Variants in PCCA observed in about 807,000 individuals in gnomAD.
The protein encoded by PCCA is propionyl-CoA carboxylase alpha chain, mitochondrial.
In PCCA, 74 loss-of-function variants were observed where a neutral mutation model predicts 101.3. The ratio of observed to expected loss-of-function variants is 0.73; its 90% CI spans 0.61 to 0.89. PCCA has a LOEUF of 0.89. Among genes scored for constraint, PCCA ranks in the 40% least tolerant of loss-of-function variants. The pLI is 0.00. For missense variants in PCCA, 891 were observed against 907.0 expected (o/e 0.98, Z 0.23); for synonymous variants, 294 against 313.6 (o/e 0.94, Z 0.66).
intron 19 of PCCA, among the ~76,000 whole-genome samples, chr13:100,425,402 C>G (rs1317989852): frequency 1.3e-5 from 2 of 152,220 alleles, no homozygotes; most frequent in Non-Finnish European, 2.9e-5. Context: ...ACGGAAATCA[C>G]TTGAAGCCTC....
At chr13:100,252,918 T>C (rs939542439) in intron 8 of PCCA, among the ~76,000 whole-genome samples, 6 of 152,188 alleles carry the variant, frequency 3.9e-5, no homozygotes, top group Non-Finnish European at 7.3e-5. Context: ...AAATGCTGTA[T>C]TAGGTACTTC....
chr13:100,209,366 C>G lies in PCCA; in HGVS notation c.503C>G (p.Thr168Arg), dbSNP rs1218665002. 1.2e-6 allele frequency: 2 copies of G among 1,613,096 alleles called. No individual in the cohort carries two copies. The highest frequency in any genetic ancestry group is 1.7e-6 in the Non-Finnish European group (2 of 1,179,192). The change falls in exon 7 of 24, where the codon ACA becomes AGA. Residue 168 changes from threonine (T) to arginine (R), a missense_variant. Physicochemically the swap from Thr to Arg is moderately conservative, Grantham distance 71. Coordinates refer to ENST00000376285, the MANE Select transcript of PCCA (RefSeq NM_000282.4). ...GATGTCGTTTTCATTGGACCTGACA[C>G]ACATGCTATTCAAGCCATGGGCGAC... is the stretch of plus-strand genomic sequence containing the variant. ...AEDVVFIGPD[T>R]HAIQAMGDKI... is the part of the protein sequence containing the mutation.
intron 21 of PCCA, among the ~76,000 whole-genome samples, chr13:100,452,702 T>G (rs1001321680): frequency 6.6e-6 from 1 of 152,168 alleles, no homozygotes; most frequent in Non-Finnish European, 1.5e-5. Flanking sequence ...AATTTTCCTT[T>G]TTTGATGTAT....
At chr13:100,429,039 G>A (rs1158227238) in intron 20 of PCCA, among the ~76,000 whole-genome samples, 1 of 152,076 alleles carries the variant, frequency 6.6e-6, no homozygotes, top group Non-Finnish European at 1.5e-5. Context: ...TGGAGGCAAA[G>A]AGAGAAGTCA....
intron 21 of PCCA, among the ~76,000 whole-genome samples, chr13:100,475,396 T>C (rs573146553): frequency 1.4e-4 from 22 of 152,230 alleles, no homozygotes; most frequent in Non-Finnish European, 2.9e-4. Flanking sequence ...TCTGGACATT[T>C]CTTAGGAAAG....
chr13:100,201,954 G>A (rs1436479919), intron 6 of PCCA, among the ~76,000 whole-genome samples: 1 of 149,722 alleles, frequency 6.7e-6, no homozygotes, highest in Non-Finnish European at 1.5e-5. Flanking sequence ...CTGTTGTATT[G>A]GACTTCTCAG....
At chr13:100,120,368 A>G (rs530312000) in intron 4 of PCCA, among the ~76,000 whole-genome samples, 1 of 151,684 alleles carries the variant, frequency 6.6e-6, no homozygotes, top group Admixed American at 6.6e-5. Flanking sequence ...CATCCCTTGT[A>G]GTTTTTTTGT....
At chr13:100,352,483 C>A in intron 18 of PCCA, among the ~76,000 whole-genome samples, 1 of 148,592 alleles carries the variant, frequency 6.7e-6, no homozygotes, top group East Asian at 2.0e-4. Context: ...CAAGTTTGAA[C>A]TCCTGGGCTC....
chr13:100,138,543 ATTTCC>A (rs1243688984), intron 4 of PCCA, among the ~76,000 whole-genome samples: 1 of 152,114 alleles, frequency 6.6e-6, no homozygotes, highest in Non-Finnish European at 1.5e-5. Flanking sequence ...TATGTTCCAG[ATTTCC>A]TTCTAATGTT....
chr13:100,350,986 A>G (rs2073200050), intron 18 of PCCA, among the ~76,000 whole-genome samples: 1 of 152,260 alleles, frequency 6.6e-6, no homozygotes, highest in African/African-American at 2.4e-5. Context: ...TCACCAGGGT[A>G]ACAGCATAGC....
chr13:100,193,139 G>A (rs879506408), intron 6 of PCCA, among the ~76,000 whole-genome samples: 9 of 152,170 alleles, frequency 5.9e-5, no homozygotes, highest in Non-Finnish European at 8.8e-5. Flanking sequence ...ACTTGCACCT[G>A]TTTACAAGCA....
chr13:100,331,934 A>ATTTTTTTTTTTTTTTTTTTTTTTTTTTT (rs34411352), intron 17 of PCCA, among the ~76,000 whole-genome samples: 2 of 89,768 alleles, frequency 2.2e-5, no homozygotes, highest in Non-Finnish European at 4.0e-5. Flanking sequence ...ATTACTTTGG[A>ATTTTTTTTTTTTTTTTTTTTTTTTTTTT]TTTTTTTTTT....
At chr13:100,112,170 A>G (rs961775872) in intron 4 of PCCA, 109 bp downstream of exon 4, 5 of 767,082 alleles carry the variant, frequency 6.5e-6, no homozygotes, top group Non-Finnish European at 1.1e-5. Context: ...ATTCAAGTTT[A>G]AAAACTGTTT....
intron 4 of PCCA, among the ~76,000 whole-genome samples, chr13:100,141,642 A>G (rs1039758874): frequency 6.6e-6 from 1 of 152,046 alleles, no homozygotes; most frequent in African/African-American, 2.4e-5. Flanking sequence ...CAAACTACTG[A>G]CCTCAAGTGA....
At chr13:100,198,480 A>G (rs1297936009) in intron 6 of PCCA, 4 of 123,668 alleles carry the variant, frequency 3.2e-5, no homozygotes, top group African/African-American at 9.6e-5. Context: ...TCATTCATTC[A>G]TTCATTCATT....
At chr13:100,268,837 T>C (rs994266516) in intron 11 of PCCA, 54 bp downstream of exon 11, 2 of 977,302 alleles carry the variant, frequency 2.0e-6, no homozygotes, top group Admixed American at 1.8e-5. Context: ...ATTTCATTCA[T>C]TCATTCATTC....
intron 21 of PCCA, among the ~76,000 whole-genome samples, chr13:100,496,168 A>T (rs2085262637): frequency 1.3e-5 from 2 of 152,374 alleles, no homozygotes; most frequent in South Asian, 4.1e-4. Context: ...TGTCTTATCT[A>T]CAAACCTTTC....
chr13:100,148,047 C>T lies in PCCA; in HGVS notation c.301-6932C>T, dbSNP rs565944719. On this transcript the variant is annotated intron_variant, in intron 4 of 23. Transcript: ENST00000376285. ...ATCCTCCTGCCTCAGCCTCCTAAGC[C>T]GTGGGGACTACAGGAACTGGGCCAC... is the stretch of plus-strand genomic sequence containing the variant. 7.4e-4 allele frequency among the ~76,000 whole-genome samples: 112 copies of T among 152,078 alleles called. 1 individual carries two copies. Among genetic ancestry groups the T allele is most frequent in the African/African-American group, 2.2e-3 (93 of 41,486 alleles).
rs551491228 is a variant in PCCA, at chr13:100,523,554, C to A, written c.2041-4121C>A. ...ATGCTGGGTGACACTCGGGCCCCCACGACATGCGAAAATCTGCTGAGTAAA... is the reference window on the plus strand; with the variant it reads ...ATGCTGGGTGACACTCGGGCCCCCAAGACATGCGAAAATCTGCTGAGTAAA... On this transcript the variant is annotated intron_variant, in intron 22 of 23. Transcript: ENST00000376285. Among the ~76,000 whole-genome samples the A allele has an allele frequency of 1.3e-3, 205 of 152,284 alleles. 2 individuals carry two copies. Among genetic ancestry groups the A allele is most frequent in the Non-Finnish European group, 2.6e-3 (174 of 68,030 alleles).
Sources: gnomAD v4.1 joint callset for allele counts (sites outside exome capture counted in the v4.1 genomes callset) on GRCh38, gnomAD v4.1.1 for gene constraint, MANE v1.5 for transcripts, NCBI Gene and HGNC (gene_info 2026-07-23, HGNC 2026-07-21) for gene names.